BRCA1: variants seen among roughly 807,000 people sequenced by gnomAD.
BRCA1 encodes the protein breast cancer type 1 susceptibility protein.
Under a neutral mutation model 173.7 loss-of-function variants are expected in BRCA1, and 140 were observed. That is an observed-to-expected ratio of 0.81 (90% confidence interval 0.70 to 0.93). BRCA1 has a LOEUF of 0.93. Among genes scored for constraint, BRCA1 ranks in the 40% least tolerant of loss-of-function variants. BRCA1 has a pLI of 0.00. For synonymous variants in BRCA1, 662 were observed against 756.0 expected (o/e 0.88, Z 2.04); for missense variants, 1,983 against 2,172.5 (o/e 0.91, Z 1.73).
At chr17:43,109,036 ATATCTC>A (rs1052128247) in intron 3 of BRCA1, among the ~76,000 whole-genome samples, 3 of 152,062 alleles carry the variant, frequency 2.0e-5, no homozygotes, top group East Asian at 1.9e-4. Flanking sequence ...AACTATATCT[ATATCTC>A]TATCTATCTA....
chr17:43,063,357 A>G lies in BRCA1; in HGVS notation c.5169T>C (p.Ile1723=), dbSNP rs2051864221. The change falls in exon 18 of 23, where the codon ATT becomes ATC. Residue 1723 remains isoleucine, a synonymous_variant. Transcript: ENST00000357654. ...CCTCATTCAGCATTTTTCTTTCTTTAATAGACTGGGTCACCCCTAAAGAGA... is the reference window on the plus strand; with the variant it reads ...CCTCATTCAGCATTTTTCTTTCTTTGATAGACTGGGTCACCCCTAAAGAGA... The part of the protein sequence containing the change: ...VVSYFWVTQS[I]KERKMLNEHD... 1 of 1,611,698 alleles carries G rather than the reference A, an allele frequency of 6.2e-7. No homozygotes were observed. The highest frequency in any genetic ancestry group is 8.5e-7 in the Non-Finnish European group (1 of 1,177,880).
At chr17:43,100,058 G>A (rs1251717384) in intron 6 of BRCA1, among the ~76,000 whole-genome samples, 178 bp from the exon 7 acceptor site, 2 of 152,126 alleles carry the variant, frequency 1.3e-5, no homozygotes, top group African/African-American at 2.4e-5. Flanking sequence ...GGCTGGGAGC[G>A]GTAGCTCATG....
Position 43,092,532 on chromosome 17 carries a change from T to C in BRCA1, c.2999A>G (p.Glu1000Gly), listed in dbSNP as rs1060502330. The C allele has an allele frequency of 6.2e-7, 1 of 1,613,850 alleles. No individual in the cohort carries two copies. The highest frequency in any genetic ancestry group is 1.3e-5 in the African/African-American group (1 of 74,926). ...VKTKCKKNLL[E>G]ENFEEHSMSP... ...CATTGAATGTTCCTCAAAGTTTTCC[T>C]CTAGCAGATTTTTCTTACATTTAGT... Residue 1000 changes from glutamate (E) to glycine (G), a missense_variant, in exon 10 of 23, where the codon GAG becomes GGG. Transcript: ENST00000357654.
At chr17:43,112,073 T>A (rs8176115) in intron 3 of BRCA1, among the ~76,000 whole-genome samples, 4 of 151,806 alleles carry the variant, frequency 2.6e-5, no homozygotes, top group Admixed American at 2.6e-4. Context: ...AGTCGATCTA[T>A]CACATGGGCA....
At chr17:43,156,809 A>T (rs2056200252) in intron 1 of BRCA1, among the ~76,000 whole-genome samples, 1 of 152,254 alleles carries the variant, frequency 6.6e-6, no homozygotes, top group African/African-American at 2.4e-5. Flanking sequence ...TGTAAACATA[A>T]ACTGTGAACA....
intron 2 of BRCA1, chr17:43,119,293 A>C (rs1597916545): frequency 4.6e-6 from 1 of 216,012 alleles, no homozygotes; most frequent in African/African-American, 2.3e-5. Flanking sequence ...AAAAAAGAAA[A>C]GGATCACAAG....
chr17:43,051,634 CTGACT>C (rs1351060876), intron 19 of BRCA1, among the ~76,000 whole-genome samples: 3 of 150,952 alleles, frequency 2.0e-5, no homozygotes, highest in African/African-American at 7.3e-5. Flanking sequence ...CTTGTCTCCT[CTGACT>C]TTTTTTTTTT....
chr17:43,055,704 T>C (rs1009007727), intron 19 of BRCA1, among the ~76,000 whole-genome samples: 1 of 152,194 alleles, frequency 6.6e-6, no homozygotes, highest in Admixed American at 6.5e-5. Context: ...GAGAATCACT[T>C]GAACCTGGGA....
chr17:43,140,728 C>T (rs2056069519), intron 1 of BRCA1, among the ~76,000 whole-genome samples: 1 of 152,178 alleles, frequency 6.6e-6, no homozygotes, highest in African/African-American at 2.4e-5. Context: ...GTCCGGCCCT[C>T]TCCCTAGTCT....
At chr17:43,051,145 C>T (rs2153090370) in intron 19 of BRCA1, 28 bp from the exon 20 acceptor site, 1 of 1,599,292 alleles carries the variant, frequency 6.3e-7, no homozygotes, top group Non-Finnish European at 8.6e-7. Flanking sequence ...GAGAGAGGGA[C>T]AGGGGAATGG....
rs765502097 is a variant in BRCA1 at position 43,138,690 on chromosome 17, C to T, written c.-19-14575G>A. ...AGCCCAGGAAGCACACATCAAGGCT[C>T]CCTTGCCAGCAGGGTGCTGCCAATA... On this transcript the variant is annotated intron_variant, in intron 1 of 7. Transcript: ENST00000634433. 4 of 779,160 alleles carry T rather than the reference C, an allele frequency of 5.1e-6. No homozygotes were observed. In the South Asian group the frequency reaches 5.4e-5, roughly 10 times the overall value. 48.3% of individuals were successfully genotyped at this position (779,160 alleles called of 1,614,324 possible).
Position 43,093,198 on chromosome 17 carries a change from C to T in BRCA1, c.2333G>A (p.Gly778Asp), listed in dbSNP as rs730881483. The change falls in exon 10 of 23, where the codon GGC becomes GAC. Residue 778 changes from glycine (G) to aspartate (D), a missense_variant. Transcript: ENST00000357654. Reference protein sequence around the residue: ...SISLVPGTDYGTQESISLLEV... With the variant: ...SISLVPGTDYDTQESISLLEV... ...CAGTAACGAGATACTTTCCTGAGTG[C>T]CATAATCAGTACCAGGTACCAATGA... 3.1e-6 allele frequency: 5 copies of T among 1,613,720 alleles called. No homozygotes were observed. Among genetic ancestry groups the T allele is most frequent in the Non-Finnish European group, 4.2e-6 (5 of 1,179,988 alleles).
chr17:43,146,206 T>C (rs1183448242), intron 1 of BRCA1, among the ~76,000 whole-genome samples: 1 of 152,098 alleles, frequency 6.6e-6, no homozygotes, highest in East Asian at 1.9e-4. Context: ...ACTTAGTCTC[T>C]TAAGGAAAAT....
chr17:43,091,343 G>T (rs1482502749), intron 10 of BRCA1, 92 bp downstream of exon 10: 3 of 1,511,732 alleles, frequency 2.0e-6, no homozygotes, highest in Non-Finnish European at 2.8e-6. Context: ...AACTATACTT[G>T]GAAATTTGTA....
At chr17:43,077,190 A>C (rs533281080) in intron 12 of BRCA1, among the ~76,000 whole-genome samples, 3 of 152,072 alleles carry the variant, frequency 2.0e-5, no homozygotes, top group Non-Finnish European at 4.4e-5. Context: ...AAACAAATAA[A>C]CCCCCTAAAC....
rs1485301180 is a variant in BRCA1, at chr17:43,100,673, TATATAATA to T, written c.442-801_442-794del. On this transcript the variant is annotated intron_variant, in intron 6 of 22. Transcript: ENST00000357654. ...TATATATAACATATATATATATATATATATAATATATATATATATATATATATATGTAA... is the reference window on the plus strand; with the variant it reads ...TATATATAACATATATATATATATATTATATATATATATATATATATGTAA... 5.9e-3 allele frequency among the ~76,000 whole-genome samples: 96 copies of T among 16,338 alleles called. 8 individuals carry two copies. The highest frequency in any genetic ancestry group is 0.042 in the African/African-American group (93 of 2,194). 10.7% of individuals were successfully genotyped at this position (16,338 alleles called of 152,430 possible). A position where few individuals can be genotyped will look rare whatever the true frequency, so the allele number is the denominator to read the frequency against.
upstream of BRCA1, among the ~76,000 whole-genome samples, chr17:43,126,898 C>T (rs1189576832): frequency 6.6e-6 from 1 of 152,096 alleles, no homozygotes. Context: ...GCGCGAGTTC[C>T]AGGTGGGCGC....
chr17:43,045,773 C>T lies in BRCA1; in HGVS notation c.5497G>A (p.Val1833Met), dbSNP rs80357268. The change falls in exon 23 of 23, where the codon GTG (valine) becomes ATG (methionine). Residue 1833 changes from valine (V) to methionine (M), a missense_variant. By Grantham distance (21) the Val-to-Met change is conservative. Coordinates refer to ENST00000357654, the MANE Select transcript of BRCA1 (RefSeq NM_007294.4). Reference sequence around the variant, plus strand: ...CTGTCCAACACCCACTCTCGGGTCACCACAGGTGCCTCACACATCTGCCCA... The same window carrying T: ...CTGTCCAACACCCACTCTCGGGTCATCACAGGTGCCTCACACATCTGCCCA... The part of the protein sequence containing the change: ...AIGQMCEAPV[V>M]TREWVLDSVA... 1 of 1,614,132 alleles carries T rather than the reference C, an allele frequency of 6.2e-7. No individual in the cohort carries two copies. The highest frequency in any genetic ancestry group is 8.5e-7 in the Non-Finnish European group (1 of 1,180,040).
chr17:43,085,345 G>A (rs946787440), intron 11 of BRCA1, among the ~76,000 whole-genome samples: 2 of 151,132 alleles, frequency 1.3e-5, no homozygotes, highest in African/African-American at 4.9e-5. Context: ...GGGCAACAGA[G>A]CAAAACTCTG....
Sources: allele counts gnomAD v4.1 joint callset (sites outside exome capture counted in the v4.1 genomes callset), GRCh38; gene constraint gnomAD v4.1.1; transcripts MANE v1.5; gene names NCBI Gene and HGNC (gene_info 2026-07-23, HGNC 2026-07-21).